QSOX2: variants seen among roughly 807,000 people sequenced by gnomAD.
QSOX2 encodes the protein quiescin sulfhydryl oxidase 2.
QSOX2 carries 46 observed loss-of-function variants against 61.7 expected under a neutral mutation model. The observed-to-expected ratio is 0.75, with a 90% CI of 0.59 to 0.95. QSOX2 has a LOEUF of 0.95. Ranked by LOEUF, QSOX2 falls within the 40% of genes least tolerant of loss-of-function variation. The probability of loss-of-function intolerance (pLI) is 0.00; values close to 1 mark genes in which losing one functional copy is unlikely to be tolerated. For missense variants in QSOX2, 879 were observed against 918.9 expected (o/e 0.96, Z 0.56); for synonymous variants, 383 against 388.4 (o/e 0.99, Z 0.16).
At chr9:136,215,404 TG>T in intron 9 of QSOX2, 100 bp from the exon 10 acceptor site, 1 of 506,908 alleles carries the variant, frequency 2.0e-6, no homozygotes. Context: ...GGGTGGATAA[TG>T]GGGGTGTGGT....
intron 9 of QSOX2, 95 bp downstream of exon 9, chr9:136,216,505 C>G (rs979155010): frequency 3.3e-6 from 5 of 1,531,520 alleles, no homozygotes; most frequent in Non-Finnish European, 3.6e-6. Flanking sequence ...CAGCGGAGCC[C>G]GGGCCCCGAG....
Position 136,218,825 on chromosome 9 carries a change from C to T in QSOX2, c.957-17G>A. 5 of 1,609,392 alleles carry T rather than the reference C, an allele frequency of 3.1e-6. No individual in the cohort carries two copies. Among genetic ancestry groups the T allele is most frequent in the Non-Finnish European group, 4.2e-6 (5 of 1,177,352 alleles). On this transcript the variant is annotated splice_polypyrimidine_tract_variant and intron_variant, in intron 7 of 11. Transcript: ENST00000358701. ...AGCTTCGACCTAGGACGGGATATGG[C>T]AGCGTCAGGGAATGCCCAACCTTTC...
At chr9:136,232,917 CAAAAAAAAAA>C (rs60814748) in intron 1 of QSOX2, among the ~76,000 whole-genome samples, 1 of 45,518 alleles carries the variant, frequency 2.2e-5, no homozygotes, top group East Asian at 7.6e-4. Context: ...GAACCTGTCT[CAAAAAAAAAA>C]AAAAAAAAAA....
intron 1 of QSOX2, among the ~76,000 whole-genome samples, chr9:136,244,919 T>A (rs780386029): frequency 2.6e-5 from 4 of 152,168 alleles, no homozygotes; most frequent in Non-Finnish European, 5.9e-5. Context: ...AAGTTGTGGG[T>A]TCACTTTGAG....
At chr9:136,239,979 C>T (rs934657109) in intron 1 of QSOX2, among the ~76,000 whole-genome samples, 3 of 152,248 alleles carry the variant, frequency 2.0e-5, no homozygotes, top group Non-Finnish European at 4.4e-5. Flanking sequence ...CCTCATTCAA[C>T]GGGTACCCTC....
Position 136,221,804 on chromosome 9 carries a change from C to T in QSOX2, c.813G>A (p.Leu271=). The change falls in exon 6 of 12, where the codon TTG becomes TTA. Residue 271 remains leucine, a synonymous_variant. Coordinates refer to ENST00000358701, the MANE Select transcript of QSOX2 (RefSeq NM_181701.4). This position sits in a 1 kb window ranked among gnomAD's most constrained non-coding sequence, Gnocchi z 4.5. ...YLIYPNGSHG[L]INVVKPLRAF... ...CCCACCCGGGCACTCACACGTTAAT[C>T]AATCCATGCGACCCATTTGGGTAGA... 6.2e-7 allele frequency: 1 copy of T among 1,603,086 alleles called. No homozygotes were observed.
rs1326184125 is a variant in QSOX2 at position 136,226,852 on chromosome 9, G to A, written c.351C>T (p.Val117=). The change falls in exon 2 of 12, where the codon GTC becomes GTT. Residue 117 remains valine, a synonymous_variant. Coordinates refer to ENST00000358701, the MANE Select transcript of QSOX2 (RefSeq NM_181701.4). ...TCTCTTCCATGCAGTCCAGAGCTGC[G>A]ACGCGAATGGCACTGGCCCAGTCTG... ...DVRDWASAIR[V]AALDCMEEKN... 1.7e-5 allele frequency: 28 copies of A among 1,614,006 alleles called. No homozygotes were observed. The highest frequency in any genetic ancestry group is 1.6e-4 in the Middle Eastern group (1 of 6,084).
Position 136,218,747 on chromosome 9 carries a change from C to A in QSOX2, c.1018G>T (p.Ala340Ser). The A allele has an allele frequency of 6.2e-7, 1 of 1,613,630 alleles. No individual in the cohort carries two copies. The highest frequency in any genetic ancestry group is 1.1e-5 in the South Asian group (1 of 91,078). Residue 340 changes from alanine to serine, a missense_variant, in exon 8 of 12, where the codon GCA becomes TCA. Physicochemically the swap from Ala to Ser is moderately conservative, Grantham distance 99 (BLOSUM62 1). Coordinates refer to ENST00000358701, the MANE Select transcript of QSOX2 (RefSeq NM_181701.4). The stretch of plus-strand genomic sequence containing the variant: ...GCTCCGGCCAGGGACTTGTGGGCTG[C>A]CAGCTCCACCCGCAGGAGGTAGTGT... The part of the protein sequence containing the change: ...GLHYLLRVEL[A>S]AHKSLAGAEL...
rs2131051623 is a variant in QSOX2 at position 136,215,251 on chromosome 9, G to A, written c.1263C>T (p.Ser421=). Residue 421 remains serine (S), a synonymous_variant, in exon 10 of 12, where the codon AGC becomes AGT. Coordinates refer to ENST00000358701, the MANE Select transcript of QSOX2 (RefSeq NM_181701.4). The part of the protein sequence containing the change: ...NHIKWVGCQG[S]RSELRGYPCS... ...ACGGGTAACCCCTCAACTCAGATCG[G>A]CTTCCTTGACATCCAACCCACTTTA... The A allele has an allele frequency of 1.2e-6, 2 of 1,614,038 alleles. No individual in the cohort carries two copies. Among genetic ancestry groups the A allele is most frequent in the East Asian group, 4.5e-5 (2 of 44,894 alleles).
At position 136,209,311 on chromosome 9, in the gene QSOX2, G is replaced by C. The variant is rs770930309; in HGVS notation, c.1550-36C>G. 10 of 1,596,514 alleles carry C rather than the reference G, an allele frequency of 6.3e-6. No individual in the cohort carries two copies. The East Asian group carries it at 2.2e-4, about 36-fold the overall frequency. ...AAGGAAGCGGGAGAGCCAGAGGGAAGGAGGCTTTGTGCAGCCACGTGCAGC... is the reference window on the plus strand; with the variant it reads ...AAGGAAGCGGGAGAGCCAGAGGGAACGAGGCTTTGTGCAGCCACGTGCAGC... On this transcript the variant is annotated intron_variant, in intron 11 of 11. Coordinates refer to ENST00000358701, the MANE Select transcript of QSOX2 (RefSeq NM_181701.4). The surrounding 1 kb of genome is among the most constrained non-coding windows in gnomAD (Gnocchi z 5.6).
Position 136,224,094 on chromosome 9 carries a change from C to T in QSOX2, c.497G>A (p.Arg166Gln), listed in dbSNP as rs767660500. The T allele has an allele frequency of 2.5e-6, 4 of 1,613,886 alleles. No homozygotes were observed. Among genetic ancestry groups the T allele is most frequent in the South Asian group, 1.1e-5 (1 of 91,052 alleles). ...ENFKGPDRELRTVRQTMIDFL... is the reference protein window; with the variant it reads ...ENFKGPDRELQTVRQTMIDFL... ...GTCAATCATCGTCTGTCTGACTGTTCGCAGCTCTCGGTCAGGTCCTGCCGG... is the reference window on the plus strand; with the variant it reads ...GTCAATCATCGTCTGTCTGACTGTTTGCAGCTCTCGGTCAGGTCCTGCCGG... The change falls in exon 4 of 12, where the codon CGA (arginine) becomes CAA (glutamine). Residue 166 changes from arginine (R) to glutamine (Q), a missense_variant. Physicochemically the swap from Arg to Gln is conservative, Grantham distance 43 (BLOSUM62 1). Coordinates refer to ENST00000358701, the MANE Select transcript of QSOX2 (RefSeq NM_181701.4).
intron 1 of QSOX2, among the ~76,000 whole-genome samples, chr9:136,239,743 G>A (rs923521124): frequency 2.6e-5 from 4 of 152,170 alleles, no homozygotes; most frequent in Non-Finnish European, 4.4e-5. Flanking sequence ...ACCCCACGTC[G>A]CCTTTGTCTG....
At chr9:136,243,122 C>T (rs570748543) in intron 1 of QSOX2, among the ~76,000 whole-genome samples, 2 of 152,182 alleles carry the variant, frequency 1.3e-5, no homozygotes, top group Admixed American at 6.5e-5. Flanking sequence ...CAGCCTGACT[C>T]GGGTACAGCA....
chr9:136,224,772 TG>T, intron 3 of QSOX2, 88 bp downstream of exon 3: 2 of 816,228 alleles, frequency 2.5e-6, no homozygotes, highest in South Asian at 1.9e-5. Flanking sequence ...TGACCCAGGC[TG>T]GGAGCTCCCC....
chr9:136,208,539 AC>A lies in QSOX2; in HGVS notation c.*188del, dbSNP rs1459530445. On this transcript the variant is annotated 3_prime_UTR_variant, in exon 12 of 12. Transcript: ENST00000358701. ...GGAATGCAAATATCCCCACAAAATT[AC>A]CCCGTGTTCTTCCCTTGTTAGAAGA... 1.2e-4 allele frequency: 78 copies of A among 626,106 alleles called. No individual in the cohort carries two copies. Among genetic ancestry groups the A allele is most frequent in the Non-Finnish European group, 1.8e-4 (68 of 379,138 alleles). 38.8% of individuals were successfully genotyped at this position (626,106 alleles called of 1,614,324 possible). A position where few individuals can be genotyped will look rare whatever the true frequency, so the allele number is the denominator to read the frequency against.
intron 9 of QSOX2, among the ~76,000 whole-genome samples, chr9:136,216,017 C>T (rs1041060600): frequency 1.3e-5 from 2 of 149,638 alleles, no homozygotes; most frequent in African/African-American, 4.8e-5. Flanking sequence ...AATCACGGCA[C>T]GACAAGTGCA....
chr9:136,225,160 G>A (rs1361292372), intron 2 of QSOX2, among the ~76,000 whole-genome samples: 1 of 152,144 alleles, frequency 6.6e-6, no homozygotes, highest in Non-Finnish European at 1.5e-5. Context: ...ACCCAACAGG[G>A]CTAGAAGCAA....
In QSOX2 at chr9:136,208,855, G is replaced by C. The variant is rs2131046647; in HGVS notation, c.1970C>G (p.Ser657Cys). ...GAAPFLGVDF[S>C]SLDMSLCVVL... ...GACACAGAGACTCATGTCCAGGCTG[G>C]AGAAGTCAACCCCGAGGAAGGGTGC... Residue 657 changes from serine (S) to cysteine (C), a missense_variant, in exon 12 of 12, where the codon TCC (serine) becomes TGC (cysteine). Physicochemically the swap from Ser to Cys is moderately radical, Grantham distance 112. Transcript: ENST00000358701. 8 of 1,614,086 alleles carry C rather than the reference G, an allele frequency of 5.0e-6. No individual in the cohort carries two copies. Among genetic ancestry groups the C allele is most frequent in the East Asian group, 4.5e-5 (2 of 44,868 alleles).
rs1194162156 is a variant in QSOX2 at position 136,223,249 on chromosome 9, T to A, written c.675+514A>T. Among the ~76,000 whole-genome samples the A allele has an allele frequency of 1.3e-5, 2 of 152,142 alleles. No homozygotes were observed. Among genetic ancestry groups the A allele is most frequent in the Non-Finnish European group, 2.9e-5 (2 of 68,038 alleles). On this transcript the variant is annotated intron_variant, in intron 5 of 11. Transcript: ENST00000358701. This position sits in a 1 kb window ranked among gnomAD's most constrained non-coding sequence, Gnocchi z 4.4. ...CGGGAAGACTGTCAGCAATAATGAC[T>A]CTCCGTGAGCTGCCCCTGCACCTGG...
Sources: allele counts gnomAD v4.1 joint callset (sites outside exome capture counted in the v4.1 genomes callset), GRCh38; gene constraint gnomAD v4.1.1; non-coding constraint Gnocchi (gnomAD v3.1); transcripts MANE v1.5; gene names NCBI Gene and HGNC (gene_info 2026-07-23, HGNC 2026-07-21).